The following ALPK1 variants were observed in gnomAD, a reference collection of about 807,000 sequenced individuals.
The protein encoded by ALPK1 is alpha kinase 1, also known as alpha-protein kinase 1.
In ALPK1, 110 loss-of-function variants were observed where a neutral mutation model predicts 120.6. The observed-to-expected ratio is 0.91, with a 90% CI of 0.78 to 1.07. The LOEUF (loss-of-function observed/expected upper bound fraction) is 1.07, where lower values mean the gene tolerates loss of function less well. Ranked by LOEUF, ALPK1 falls within the 50% of genes least tolerant of loss-of-function variation. ALPK1 has a pLI of 0.00. For synonymous variants in ALPK1, 582 were observed against 560.3 expected (o/e 1.04, Z -0.55); for missense variants, 1,498 against 1,483.9 (o/e 1.01, Z -0.16).
Position 112,412,005 on chromosome 4 carries a change from C to CCCGAATCT in ALPK1, c.459_466dup (p.Val156GlufsTer4). 10 of 1,614,110 alleles carry CCCGAATCT rather than the reference C, an allele frequency of 6.2e-6. No homozygotes were observed. Among genetic ancestry groups the CCCGAATCT allele is most frequent in the African/African-American group, 1.3e-5 (1 of 75,070 alleles). ...GCCCCGCAGGTGGTTATTCGCCAAG[C>CCCGAATCT]CCGAATCTCCGTGAACTCAGGTATG... On this transcript the variant is annotated frameshift_variant, in exon 5 of 16. Coordinates refer to ENST00000650871, the MANE Select transcript of ALPK1 (RefSeq NM_025144.4). LOFTEE classifies it high-confidence loss of function.
At chr4:112,425,590 A>T (rs1419141702) in intron 6 of ALPK1, 75 bp from the exon 7 acceptor site, 1 of 1,233,580 alleles carries the variant, frequency 8.1e-7, no homozygotes, top group Non-Finnish European at 1.2e-6. Context: ...GCTCATGAAG[A>T]CTTCTGTGAA....
At chr4:112,323,239 ACCT>A (rs1458061041) in intron 2 of ALPK1, among the ~76,000 whole-genome samples, 2 of 151,904 alleles carry the variant, frequency 1.3e-5, no homozygotes, top group Non-Finnish European at 2.9e-5. Context: ...TCTTAACTAA[ACCT>A]CCTTTCCCTG....
intron 1 of ALPK1, among the ~76,000 whole-genome samples, chr4:112,313,853 G>A (rs750112675): frequency 2.5e-4 from 38 of 152,200 alleles, no homozygotes; most frequent in Non-Finnish European, 4.6e-4. Flanking sequence ...AAAAGAGAAT[G>A]GGAAGAGAGA....
At chr4:112,424,690 G>A (rs1047577639) in intron 6 of ALPK1, among the ~76,000 whole-genome samples, 4 of 152,048 alleles carry the variant, frequency 2.6e-5, no homozygotes, top group African/African-American at 9.7e-5. Flanking sequence ...AGACAGTTTG[G>A]AATCCAAATA....
chr4:112,381,520 G>A (rs1731903009), intron 3 of ALPK1, among the ~76,000 whole-genome samples: 1 of 152,142 alleles, frequency 6.6e-6, no homozygotes, highest in African/African-American at 2.4e-5. Context: ...CAGAACCCTG[G>A]CATCACATGT....
At chr4:112,428,919 A>C (rs998162689) in intron 9 of ALPK1, among the ~76,000 whole-genome samples, 1 of 152,264 alleles carries the variant, frequency 6.6e-6, no homozygotes, top group African/African-American at 2.4e-5. Context: ...ACCGTCCTCC[A>C]AAGAAGCTCA....
intron 2 of ALPK1, among the ~76,000 whole-genome samples, chr4:112,322,613 A>AT (rs1728911046): frequency 6.6e-6 from 1 of 152,246 alleles, no homozygotes; most frequent in Admixed American, 6.5e-5. Context: ...AGTTTAAATT[A>AT]TAGTGAGGAA....
chr4:112,360,355 C>T (rs758548260), intron 2 of ALPK1, among the ~76,000 whole-genome samples: 3 of 152,048 alleles, frequency 2.0e-5, no homozygotes, highest in East Asian at 3.8e-4. Context: ...GGTTCCATAT[C>T]GTGGCTATTG....
intron 5 of ALPK1, among the ~76,000 whole-genome samples, chr4:112,422,815 G>C (rs1487780072): frequency 6.6e-6 from 1 of 152,154 alleles, no homozygotes; most frequent in East Asian, 1.9e-4. Flanking sequence ...CCTTGGGGGA[G>C]GGCCTCAGCT....
chr4:112,383,610 T>C (rs1392861526), intron 4 of ALPK1: 1 of 152,110 alleles, frequency 6.6e-6, no homozygotes, highest in Non-Finnish European at 1.5e-5. Context: ...GAGAACACAA[T>C]GGTGAGCCAG....
chr4:112,430,114 A>G (rs1734469977), intron 10 of ALPK1, among the ~76,000 whole-genome samples: 1 of 152,210 alleles, frequency 6.6e-6, no homozygotes, highest in African/African-American at 2.4e-5. Flanking sequence ...ATTTCCATGG[A>G]TAGACTCTGT....
At chr4:112,373,627 C>T (rs752231464) in intron 2 of ALPK1, among the ~76,000 whole-genome samples, 3 of 152,242 alleles carry the variant, frequency 2.0e-5, no homozygotes, top group Admixed American at 6.5e-5. Flanking sequence ...TGCAGTGGTG[C>T]GTACCTGTAA....
intron 2 of ALPK1, chr4:112,359,027 A>C (rs1385742071): frequency 3.9e-6 from 3 of 764,772 alleles, no homozygotes; most frequent in Admixed American, 1.7e-5. Flanking sequence ...GCTATCGGCC[A>C]GAGCACAGCA....
intron 1 of ALPK1, among the ~76,000 whole-genome samples, chr4:112,307,469 C>T (rs983156213): frequency 6.6e-6 from 1 of 152,026 alleles, no homozygotes; most frequent in Non-Finnish European, 1.5e-5. Flanking sequence ...GGATAGTTAG[C>T]TCTTCTTGGT....
chr4:112,402,513 A>G lies in ALPK1; in HGVS notation c.277-9314A>G, dbSNP rs1009672301. On this transcript the variant is annotated intron_variant, in intron 4 of 15. Transcript: ENST00000650871. ...CATTGTGGAGTTTAATTCCTTTACCACCTGACTCAGCTTCCTAGCCATGAA... is the reference window on the plus strand; with the variant it reads ...CATTGTGGAGTTTAATTCCTTTACCGCCTGACTCAGCTTCCTAGCCATGAA... 7.9e-5 allele frequency among the ~76,000 whole-genome samples: 12 copies of G among 152,184 alleles called. No individual in the cohort carries two copies. In the East Asian group the frequency reaches 2.1e-3, roughly 27 times the overall value.
In ALPK1 at chr4:112,425,719, T is replaced by C. The variant is rs200304892; in HGVS notation, c.590T>C (p.Ile197Thr). ...SDKVLVQSVCIQIRGQILQKL... is the reference protein window; with the variant it reads ...SDKVLVQSVCTQIRGQILQKL... The stretch of plus-strand genomic sequence containing the variant: ...AAGGTCCTGGTGCAGTCGGTCTGTA[T>C]ACAGATCAGAGGGCAGATTCTGCAA... The change falls in exon 7 of 16, where the codon ATA becomes ACA. Residue 197 changes from isoleucine to threonine, a missense_variant. Transcript: ENST00000650871. 1 of 1,613,070 alleles carries C rather than the reference T, an allele frequency of 6.2e-7. No homozygotes were observed. Among genetic ancestry groups the C allele is most frequent in the East Asian group, 2.2e-5 (1 of 44,872 alleles).
At chr4:112,436,510 A>G (rs1021176621) in intron 12 of ALPK1, among the ~76,000 whole-genome samples, 1 of 152,232 alleles carries the variant, frequency 6.6e-6, no homozygotes. Context: ...ATGAAGTCAT[A>G]CTGGAGTAGG....
intron 1 of ALPK1, among the ~76,000 whole-genome samples, chr4:112,311,430 TA>T (rs377135534): frequency 3.9e-4 from 59 of 152,340 alleles, no homozygotes; most frequent in East Asian, 2.1e-3. Flanking sequence ...ATTTACTCAA[TA>T]AATGGTAATG....
chr4:112,435,373 A>G, intron 12 of ALPK1, 72 bp downstream of exon 12: 3 of 1,447,356 alleles, frequency 2.1e-6, no homozygotes, highest in Non-Finnish European at 2.8e-6. Flanking sequence ...GTAATCACTC[A>G]TGAGACTTCG....
Sources: gnomAD v4.1 joint callset for allele counts (sites outside exome capture counted in the v4.1 genomes callset) on GRCh38, gnomAD v4.1.1 for gene constraint, MANE v1.5 for transcripts, NCBI Gene and HGNC (gene_info 2026-07-23, HGNC 2026-07-21) for gene names.